The following CDC14A variants were observed in gnomAD, a reference collection of about 807,000 sequenced individuals.
The protein encoded by CDC14A is dual specificity protein phosphatase CDC14A.
In CDC14A, 53 loss-of-function variants were observed where a neutral mutation model predicts 74.4. The ratio of observed to expected loss-of-function variants is 0.71; its 90% confidence interval spans 0.57 to 0.89. The LOEUF (loss-of-function observed/expected upper bound fraction) is 0.89, where lower values mean the gene tolerates loss of function less well. Among genes scored for constraint, CDC14A ranks in the 40% least tolerant of loss-of-function variants. The pLI, the probability that CDC14A is intolerant of heterozygous loss-of-function variation, is 0.00. For synonymous variants in CDC14A, 247 were observed against 258.4 expected, an observed-to-expected ratio of 0.96 and a Z score of 0.43; for missense variants, 646 against 713.7, an observed-to-expected ratio of 0.91 and a Z score of 1.08.
intron 3 of CDC14A, among the ~76,000 whole-genome samples, chr1:100,382,386 AACTATT>A (rs1184784088): frequency 1.5e-5 from 2 of 137,076 alleles, no homozygotes; most frequent in Admixed American, 7.1e-5. Flanking sequence ...CCACCCAGCT[AACTATT>A]TTTTTTTTTT....
intron 10 of CDC14A, among the ~76,000 whole-genome samples, chr1:100,471,789 G>C (rs1286904899): frequency 6.6e-6 from 1 of 152,062 alleles, no homozygotes; most frequent in Non-Finnish European, 1.5e-5. Flanking sequence ...ATATCTATAT[G>C]GGGAAAAAGA....
At chr1:100,486,121 C>T (rs1669994154) in intron 11 of CDC14A, 1 of 152,168 alleles carries the variant, frequency 6.6e-6, no homozygotes, top group Non-Finnish European at 1.5e-5. Flanking sequence ...ATTTCCTCCC[C>T]AGGTTGAGTA....
intron 15 of CDC14A, among the ~76,000 whole-genome samples, chr1:100,513,601 A>G (rs778834448): frequency 3.3e-5 from 5 of 152,160 alleles, no homozygotes; most frequent in Non-Finnish European, 5.9e-5. Context: ...ATCTTTCATT[A>G]TTCTTTATAA....
At chr1:100,397,566 T>C (rs1658684502) in intron 4 of CDC14A, among the ~76,000 whole-genome samples, 1 of 152,214 alleles carries the variant, frequency 6.6e-6, no homozygotes, top group Admixed American at 6.5e-5. Context: ...CAGGCCTAGG[T>C]CAAGGAGAAT....
At chr1:100,419,747 A>G (rs977917823) in intron 4 of CDC14A, among the ~76,000 whole-genome samples, 3 of 152,098 alleles carry the variant, frequency 2.0e-5, no homozygotes, top group Admixed American at 6.6e-5. Context: ...ATTTTGAAGG[A>G]ATTTAATTGA....
intron 4 of CDC14A, among the ~76,000 whole-genome samples, chr1:100,401,292 C>T (rs1420048286): frequency 6.6e-6 from 1 of 152,158 alleles, no homozygotes; most frequent in Non-Finnish European, 1.5e-5. Flanking sequence ...GTATCTAGAA[C>T]AATGTCTGAC....
intron 4 of CDC14A, among the ~76,000 whole-genome samples, chr1:100,396,393 G>C (rs1045330413): frequency 6.6e-6 from 1 of 152,164 alleles, no homozygotes; most frequent in Non-Finnish European, 1.5e-5. Flanking sequence ...GTATGTAATG[G>C]GTGCTCTGTA....
chr1:100,411,388 C>G (rs1164983118), intron 4 of CDC14A, among the ~76,000 whole-genome samples: 1 of 152,078 alleles, frequency 6.6e-6, no homozygotes, highest in Non-Finnish European at 1.5e-5. Context: ...TTCCTGTGTT[C>G]TGATCACTTC....
At chr1:100,371,361 C>T (rs776433144) in intron 2 of CDC14A, among the ~76,000 whole-genome samples, 2 of 152,064 alleles carry the variant, frequency 1.3e-5, no homozygotes, top group African/African-American at 2.4e-5. Context: ...GAGTGGGCAT[C>T]CTTGTCTTGT....
At chr1:100,357,437 A>G (rs936170854) in intron 2 of CDC14A, among the ~76,000 whole-genome samples, 4 of 152,146 alleles carry the variant, frequency 2.6e-5, no homozygotes, top group African/African-American at 7.2e-5. Context: ...AGAGACTGCA[A>G]AGCCCCTAGA....
chr1:100,442,904 T>A, intron 6 of CDC14A, 30 bp from the exon 7 acceptor site: 1 of 1,459,346 alleles, frequency 6.9e-7, no homozygotes, highest in Non-Finnish European at 9.6e-7. Flanking sequence ...CAATTTAGCA[T>A]GGAAAAACTA....
chr1:100,498,867 A>G, intron 14 of CDC14A, 62 bp from the exon 15 acceptor site: 2 of 1,539,482 alleles, frequency 1.3e-6, no homozygotes, highest in Non-Finnish European at 1.7e-6. Flanking sequence ...TAGAAACGTG[A>G]GCTCTGTGTG....
At chr1:100,490,674 G>A (rs72730167) in intron 11 of CDC14A, among the ~76,000 whole-genome samples, 3,387 of 152,196 alleles carry the variant, frequency 0.022, 45 homozygotes, top group Non-Finnish European at 0.035. Context: ...TCAATGGGAG[G>A]AAATATATGC....
chr1:100,426,605 T>C (rs1207403033), intron 5 of CDC14A, among the ~76,000 whole-genome samples: 1 of 152,166 alleles, frequency 6.6e-6, no homozygotes, highest in Non-Finnish European at 1.5e-5. Flanking sequence ...TTCAGAAATT[T>C]AAAAAATCTA....
intron 11 of CDC14A, among the ~76,000 whole-genome samples, chr1:100,492,012 A>T (rs2101405114): frequency 6.6e-6 from 1 of 152,012 alleles, no homozygotes; most frequent in East Asian, 1.9e-4. Flanking sequence ...GTTTAAGTAA[A>T]CTTGAGGGGA....
intron 4 of CDC14A, among the ~76,000 whole-genome samples, chr1:100,403,405 C>G (rs1659531237): frequency 1.3e-5 from 2 of 152,190 alleles, no homozygotes; most frequent in South Asian, 4.1e-4. Context: ...ACTTACTGTG[C>G]TTAGATCCAG....
At position 100,403,162 on chromosome 1, in the gene CDC14A, C is replaced by T. The variant is rs1055807050; in HGVS notation, c.309+12338C>T. Among the ~76,000 whole-genome samples the T allele has an allele frequency of 1.1e-4, 16 of 152,200 alleles. No individual in the cohort carries two copies. The East Asian group carries it at 3.1e-3, about 29-fold the overall frequency. On this transcript the variant is annotated intron_variant, in intron 4 of 15. Transcript: ENST00000336454. ...CCAAGCTTTATTCACTGTAATTCACCATAAGAAACACATTTTACATTGCAG... is the reference window on the plus strand; with the variant it reads ...CCAAGCTTTATTCACTGTAATTCACTATAAGAAACACATTTTACATTGCAG...
At chr1:100,495,080 C>CAATAA in intron 12 of CDC14A, 150 bp downstream of exon 12, 1 of 564,912 alleles carries the variant, frequency 1.8e-6, no homozygotes. Flanking sequence ...ATTATTTTAT[C>CAATAA]ACTGTTGGGA....
At chr1:100,349,000 G>A (rs1650682644), upstream of CDC14A, among the ~76,000 whole-genome samples, 3 of 152,172 alleles carry the variant, frequency 2.0e-5, no homozygotes, top group African/African-American at 7.2e-5. Context: ...TTTGAGACCA[G>A]CCTGGCCAAC....
Sources: allele counts gnomAD v4.1 joint callset (sites outside exome capture counted in the v4.1 genomes callset), GRCh38; gene constraint gnomAD v4.1.1; transcripts MANE v1.5; gene names NCBI Gene and HGNC (gene_info 2026-07-23, HGNC 2026-07-21).